VWDE: variants seen among roughly 807,000 people sequenced by gnomAD.
VWDE encodes von Willebrand factor D and EGF domain-containing protein.
A neutral mutation model predicts 178.4 loss-of-function variants in VWDE; 207 were observed. The observed-to-expected ratio is 1.16, with a 90% CI of 1.04 to 1.30. VWDE has a LOEUF of 1.30. Among genes scored for constraint, VWDE ranks in the 50% most tolerant of loss-of-function variants. The pLI, the probability that VWDE is intolerant of heterozygous loss-of-function variation, is 0.00. For synonymous variants in VWDE, 738 were observed against 651.4 expected, an observed-to-expected ratio of 1.13 and a Z score of -2.02; for missense variants, 2,287 against 1,901.3, an observed-to-expected ratio of 1.20 and a Z score of -3.77.
At chr7:12,334,586 T>C (rs2128543897) in intron 27 of VWDE, among the ~76,000 whole-genome samples, 1 of 152,330 alleles carries the variant, frequency 6.6e-6, no homozygotes, top group Middle Eastern at 3.4e-3. Context: ...TTCCAACAGA[T>C]GGTAGTAACA....
intron 12 of VWDE, among the ~76,000 whole-genome samples, chr7:12,368,682 C>T (rs1782992361): frequency 6.6e-6 from 1 of 152,120 alleles, no homozygotes; most frequent in Non-Finnish European, 1.5e-5. Context: ...GCTATATAAA[C>T]ACAGGAGCAA....
At chr7:12,389,015 G>T in intron 3 of VWDE, 112 bp downstream of exon 3, 1 of 835,108 alleles carries the variant, frequency 1.2e-6, no homozygotes, top group South Asian at 1.5e-5. Flanking sequence ...AATAATGGTA[G>T]ACTGAGTATC....
chr7:12,388,295 AT>A (rs1304394568), intron 3 of VWDE, among the ~76,000 whole-genome samples: 1 of 152,160 alleles, frequency 6.6e-6, no homozygotes, highest in Non-Finnish European at 1.5e-5. Context: ...ATCAGGAGAC[AT>A]GTGATGTCAA....
chr7:12,380,794 A>G, intron 4 of VWDE, 61 bp from the exon 5 acceptor site: 1 of 1,519,052 alleles, frequency 6.6e-7, no homozygotes, highest in Non-Finnish European at 8.9e-7. Flanking sequence ...TGGCTTATGG[A>G]AAAAGCACTC....
At chr7:12,399,916 A>T (rs1784821070) in intron 1 of VWDE, among the ~76,000 whole-genome samples, 1 of 152,186 alleles carries the variant, frequency 6.6e-6, no homozygotes, top group African/African-American at 2.4e-5. Flanking sequence ...GAACTCAATA[A>T]CAATGAAATT....
chr7:12,339,178 A>G (rs549047111), intron 24 of VWDE, among the ~76,000 whole-genome samples: 116 of 152,288 alleles, frequency 7.6e-4, no homozygotes, highest in African/African-American at 2.6e-3. Flanking sequence ...TGGCCCTTAA[A>G]GCATGGAATA....
intron 19 of VWDE, among the ~76,000 whole-genome samples, chr7:12,350,759 T>C (rs1257157698): frequency 1.3e-5 from 2 of 152,052 alleles, no homozygotes; most frequent in East Asian, 1.9e-4. Flanking sequence ...ATCTGTAAAA[T>C]AGAAGTAATA....
At chr7:12,378,059 AC>A in intron 6 of VWDE, 139 bp from the exon 7 acceptor site, 1 of 587,292 alleles carries the variant, frequency 1.7e-6, no homozygotes, top group Non-Finnish European at 2.6e-6. Context: ...ACTAAGCAAG[AC>A]CATTAAAATC....
chr7:12,347,880 A>C (rs1022359106), intron 19 of VWDE, among the ~76,000 whole-genome samples: 38 of 152,126 alleles, frequency 2.5e-4, no homozygotes, highest in African/African-American at 8.0e-4. Flanking sequence ...ACAGAGATAT[A>C]GATCAATAGA....
chr7:12,382,532 A>G (rs952841659), intron 4 of VWDE, among the ~76,000 whole-genome samples: 6 of 152,068 alleles, frequency 3.9e-5, no homozygotes, highest in African/African-American at 1.4e-4. Flanking sequence ...TTTGAGGATT[A>G]TTATAAAACT....
At chr7:12,373,434 G>A (rs1487679537) in intron 9 of VWDE, among the ~76,000 whole-genome samples, 187 bp from the exon 10 acceptor site, 1 of 152,010 alleles carries the variant, frequency 6.6e-6, no homozygotes, top group African/African-American at 2.4e-5. Flanking sequence ...CAGTCAAGCT[G>A]CTCTCCTTGA....
At chr7:12,402,360 A>C (rs1784942385) in intron 1 of VWDE, among the ~76,000 whole-genome samples, 1 of 152,232 alleles carries the variant, frequency 6.6e-6, no homozygotes, top group Non-Finnish European at 1.5e-5. Flanking sequence ...ATTTGAAAAA[A>C]AGAAGTCTCA....
At chr7:12,382,230 G>A (rs144871921) in intron 4 of VWDE, among the ~76,000 whole-genome samples, 3 of 151,432 alleles carry the variant, frequency 2.0e-5, no homozygotes, top group East Asian at 1.9e-4. Flanking sequence ...ATAATAAGTA[G>A]GTGAAATTTA....
At chr7:12,356,991 G>A (rs1446375276) in intron 17 of VWDE, among the ~76,000 whole-genome samples, 2 of 152,168 alleles carry the variant, frequency 1.3e-5, no homozygotes, top group Non-Finnish European at 2.9e-5. Context: ...TGAAGGTGGA[G>A]CTGAAGGAGT....
Position 12,356,198 on chromosome 7 carries a change from T to G in VWDE, c.3658A>C (p.Ser1220Arg). 6.4e-7 allele frequency: 1 copy of G among 1,551,534 alleles called. No individual in the cohort carries two copies. The highest frequency in any genetic ancestry group is 1.2e-5 in the South Asian group (1 of 84,048). The change falls in exon 18 of 29, where the codon AGT becomes CGT. Residue 1220 changes from serine (S) to arginine (R), a missense_variant. Transcript: ENST00000275358. ...FHGSLCEVDI[S>R]GCQSNPCGLG... ...CCACAAGGGTTGGATTGGCACCCACTAATGTCCACTTCACAAAGGCTGCCA... is the reference window on the plus strand; with the variant it reads ...CCACAAGGGTTGGATTGGCACCCACGAATGTCCACTTCACAAAGGCTGCCA...
intron 24 of VWDE, 146 bp downstream of exon 24, chr7:12,340,176 A>G (rs1027424348): frequency 4.8e-6 from 3 of 625,834 alleles, no homozygotes; most frequent in Non-Finnish European, 8.5e-6. Flanking sequence ...TAAGCTAGTA[A>G]TTTGGTGGGC....
Position 12,361,481 on chromosome 7 carries a change from G to A in VWDE, c.2939C>T (p.Thr980Ile). Reference protein sequence around the residue: ...SEWMPGEPIYTQTVFHNSRAV... With the variant: ...SEWMPGEPIYIQTVFHNSRAV... ...TCTGCTATTGTGGAAAACAGTCTGTGTATAGATGGGTTCTCCAGGCATCCA... is the reference window on the plus strand; with the variant it reads ...TCTGCTATTGTGGAAAACAGTCTGTATATAGATGGGTTCTCCAGGCATCCA... The change falls in exon 14 of 29, where the codon ACA becomes ATA. Residue 980 changes from threonine to isoleucine, a missense_variant. Physicochemically the swap from Thr to Ile is moderately conservative, Grantham distance 89 (BLOSUM62 -1). Coordinates refer to ENST00000275358, the MANE Select transcript of VWDE (RefSeq NM_001135924.3). The A allele has an allele frequency of 6.4e-7, 1 of 1,550,730 alleles. No individual in the cohort carries two copies. Among genetic ancestry groups the A allele is most frequent in the Non-Finnish European group, 8.7e-7 (1 of 1,146,468 alleles).
In VWDE at chr7:12,367,499, G is replaced by GA. The variant is rs767491784; in HGVS notation, c.2762-7dup. On this transcript the variant is annotated splice_region_variant and splice_polypyrimidine_tract_variant and intron_variant, in intron 12 of 28. Coordinates refer to ENST00000275358, the MANE Select transcript of VWDE (RefSeq NM_001135924.3). ...TGTAATTTCAGGAGCTTTGTCTTTG[G>GA]AAAAAAAATATAACAAATACTACAT... The GA allele has an allele frequency of 7.3e-5, 106 of 1,461,282 alleles. No homozygotes were observed. Among genetic ancestry groups the GA allele is most frequent in the South Asian group, 1.9e-4 (13 of 68,376 alleles). 90.5% of individuals were successfully genotyped at this position (1,461,282 alleles called of 1,614,324 possible). A position where few individuals can be genotyped will look rare whatever the true frequency, so the allele number is the denominator to read the frequency against.
In VWDE at chr7:12,333,507, G is replaced by T. The variant is rs1416846841; in HGVS notation, c.4716C>A (p.Cys1572Ter). Residue 1572 changes from cysteine (C) to a stop codon, truncating the protein, a stop_gained, in exon 28 of 29, where the codon TGC (cysteine) becomes TGA (stop). Coordinates refer to ENST00000275358, the MANE Select transcript of VWDE (RefSeq NM_001135924.3). LOFTEE classifies it high-confidence loss of function. ...ATTTGACTCCAGAGTATTCAGTGCG[G>T]CAGGAACACACATTGGGAAATATGC... ...GRCIFPNVCS[C>*]RTEYSGVKCE... The T allele has an allele frequency of 1.3e-6, 2 of 1,550,912 alleles. No individual in the cohort carries two copies. Among genetic ancestry groups the T allele is most frequent in the Non-Finnish European group, 1.7e-6 (2 of 1,146,514 alleles).
Sources: allele counts gnomAD v4.1 joint callset (sites outside exome capture counted in the v4.1 genomes callset), GRCh38; gene constraint gnomAD v4.1.1; transcripts MANE v1.5; gene names NCBI Gene and HGNC (gene_info 2026-07-23, HGNC 2026-07-21).